ALG9: variants seen among roughly 807,000 people sequenced by gnomAD.
The protein encoded by ALG9 is ALG9 alpha-1,2-mannosyltransferase, also known as alpha-1,2-mannosyltransferase ALG9.
A neutral mutation model predicts 81.8 loss-of-function variants in ALG9; 55 were observed. The ratio of observed to expected loss-of-function variants is 0.67; its 90% CI spans 0.54 to 0.84. The LOEUF (loss-of-function observed/expected upper bound fraction) is 0.84. ALG9 is among the 40% of genes least tolerant of loss of function. The pLI is 0.00. For synonymous variants in ALG9, 278 were observed against 274.3 expected (o/e 1.01, Z -0.13); for missense variants, 629 against 745.0 (o/e 0.84, Z 1.81).
intron 5 of ALG9, among the ~76,000 whole-genome samples, chr11:111,860,300 C>G (rs1555146728): frequency 2.0e-5 from 3 of 152,150 alleles, no homozygotes; most frequent in Non-Finnish European, 4.4e-5. Context: ...GTTTCAATGT[C>G]CTTACCTGCA....
At chr11:111,808,343 G>T (rs1285143746) in intron 14 of ALG9, among the ~76,000 whole-genome samples, 2 of 152,142 alleles carry the variant, frequency 1.3e-5, no homozygotes, top group Non-Finnish European at 2.9e-5. Context: ...ACAATGACCT[G>T]CCTGGGCACC....
intron 14 of ALG9, among the ~76,000 whole-genome samples, chr11:111,803,562 C>T (rs146090854): frequency 7.4e-5 from 11 of 149,042 alleles, no homozygotes; most frequent in Non-Finnish European, 1.2e-4. Context: ...GCAAGACTTA[C>T]TATAAAGCTA....
chr11:111,806,345 C>T lies in ALG9; in HGVS notation c.1733+3298G>A, dbSNP rs377642053. Among the ~76,000 whole-genome samples the T allele has an allele frequency of 9.9e-5, 15 of 152,260 alleles. No individual in the cohort carries two copies. In the East Asian group the frequency reaches 2.7e-3, roughly 27 times the overall value. ...TCAACCTTTCTAATCAATCTCCAGT[C>T]CCTACACCCCCACCCACTTCACCCA... On this transcript the variant is annotated intron_variant, in intron 14 of 14. Coordinates refer to ENST00000616540, the MANE Select transcript of ALG9 (RefSeq NM_024740.2).
At chr11:111,826,411 A>G (rs781979328) in intron 13 of ALG9, among the ~76,000 whole-genome samples, 5 of 151,844 alleles carry the variant, frequency 3.3e-5, no homozygotes, top group Admixed American at 1.3e-4. Context: ...AAACAAAAAA[A>G]AACTTAGTAC....
intron 3 of ALG9, among the ~76,000 whole-genome samples, 166 bp from the exon 4 acceptor site, chr11:111,865,417 A>G (rs1299450264): frequency 6.6e-6 from 1 of 152,260 alleles, no homozygotes; most frequent in Non-Finnish European, 1.5e-5. Flanking sequence ...CAATATCAGT[A>G]TACCTACTTC....
chr11:111,851,554 CTCTCACAAAAGGT>C (rs1427170859), intron 8 of ALG9, among the ~76,000 whole-genome samples: 1 of 151,450 alleles, frequency 6.6e-6, no homozygotes, highest in Non-Finnish European at 1.5e-5. Context: ...TTTCATAAGT[CTCTCACAAAAGGT>C]TTTATAAAGA....
At chr11:111,857,579 G>A (rs1958908091) in intron 6 of ALG9, 23 bp downstream of exon 6, 2 of 1,614,022 alleles carry the variant, frequency 1.2e-6, no homozygotes, top group Non-Finnish European at 1.7e-6. Flanking sequence ...CGATATATGG[G>A]AGGAGAACTG....
intron 13 of ALG9, among the ~76,000 whole-genome samples, chr11:111,827,349 G>A (rs554183252): frequency 6.6e-5 from 10 of 151,688 alleles, no homozygotes; most frequent in Admixed American, 4.6e-4. Flanking sequence ...GGTGGCGCAT[G>A]CCTGTAATCC....
intron 2 of ALG9, among the ~76,000 whole-genome samples, chr11:111,869,038 C>T (rs949098102): frequency 6.6e-6 from 1 of 152,100 alleles, no homozygotes; most frequent in Non-Finnish European, 1.5e-5. Context: ...AGGAGAATCA[C>T]TTGAGCCTGG....
At chr11:111,773,488 G>A in the ALG9 span, among the ~76,000 whole-genome samples, 2 of 151,894 alleles carry the variant, frequency 1.3e-5, no homozygotes, top group Non-Finnish European at 2.9e-5. Context: ...CAGGTGATTC[G>A]CCTGCCTTCG....
At chr11:111,864,206 G>A in intron 4 of ALG9, 1 of 673,886 alleles carries the variant, frequency 1.5e-6, no homozygotes, top group Non-Finnish European at 2.8e-6. Context: ...AGGCCCCGCT[G>A]ACCCACGACC....
At chr11:111,835,611 G>A (rs143009503) in intron 13 of ALG9, among the ~76,000 whole-genome samples, 17 of 152,280 alleles carry the variant, frequency 1.1e-4, no homozygotes, top group Middle Eastern at 3.4e-3. Flanking sequence ...AACTTCTACC[G>A]TAAGAAAACT....
intron 4 of ALG9, among the ~76,000 whole-genome samples, chr11:111,860,868 A>G (rs905434227): frequency 2.6e-5 from 4 of 152,234 alleles, no homozygotes; most frequent in Admixed American, 6.5e-5. Context: ...TGCTAAGATT[A>G]TATCTATCAA....
chr11:111,865,359 A>G (rs1962018696), intron 3 of ALG9, 108 bp from the exon 4 acceptor site: 1 of 854,590 alleles, frequency 1.2e-6, no homozygotes, highest in Non-Finnish European at 1.8e-6. Context: ...AATTGGTATA[A>G]TTCTTTTGAA....
intron 14 of ALG9, among the ~76,000 whole-genome samples, chr11:111,800,982 G>A (rs1368068592): frequency 1.3e-5 from 2 of 152,188 alleles, no homozygotes; most frequent in African/African-American, 2.4e-5. Context: ...AACAAATCAT[G>A]TGGCTATGTG....
At chr11:111,797,615 C>T (rs782338877) in intron 14 of ALG9, among the ~76,000 whole-genome samples, 2 of 152,212 alleles carry the variant, frequency 1.3e-5, no homozygotes, top group African/African-American at 2.4e-5. Flanking sequence ...GGCTAATTTG[C>T]CCTTTACAGT....
intron 14 of ALG9, among the ~76,000 whole-genome samples, chr11:111,794,002 C>T (rs900255650): frequency 3.3e-5 from 5 of 152,224 alleles, no homozygotes; most frequent in Non-Finnish European, 1.5e-5. Flanking sequence ...AATACTTCCC[C>T]TCCCAGTGAG....
intron 14 of ALG9, among the ~76,000 whole-genome samples, chr11:111,807,887 C>G (rs2136395425): frequency 1.3e-5 from 2 of 152,236 alleles, no homozygotes; most frequent in South Asian, 4.1e-4. Flanking sequence ...GAGTTTAAAA[C>G]CAGCTTGGGC....
At chr11:111,870,868 T>C (rs1964097421) in intron 1 of ALG9, 40 of 1,000,504 alleles carry the variant, frequency 4.0e-5, no homozygotes, top group Non-Finnish European at 4.8e-5. Flanking sequence ...TATGTTCAGA[T>C]AGAAGCCTAG....
Sources: allele counts gnomAD v4.1 joint callset (sites outside exome capture counted in the v4.1 genomes callset), GRCh38; gene constraint gnomAD v4.1.1; transcripts MANE v1.5; gene names NCBI Gene and HGNC (gene_info 2026-07-23, HGNC 2026-07-21).